MACROD2: variants seen among roughly 807,000 people sequenced by gnomAD.
The protein encoded by MACROD2 is ADP-ribose glycohydrolase MACROD2.
MACROD2 carries 36 observed loss-of-function variants against 70.4 expected under a neutral mutation model. That is an observed-to-expected ratio of 0.51 (90% CI 0.39 to 0.68). The LOEUF is 0.68. Ranked by LOEUF, MACROD2 falls within the 30% of genes least tolerant of loss-of-function variation. The pLI is 0.00. For synonymous variants in MACROD2, 172 were observed against 178.8 expected (o/e 0.96, Z 0.30); for missense variants, 496 against 538.4 (o/e 0.92, Z 0.78).
chr20:14,508,705 T>C (rs2084996529), intron 4 of MACROD2, among the ~76,000 whole-genome samples: 1 of 152,172 alleles, frequency 6.6e-6, no homozygotes, highest in Admixed American at 6.5e-5. Context: ...ATTAAATAAA[T>C]ATATTTATTC....
intron 3 of MACROD2, among the ~76,000 whole-genome samples, chr20:14,338,593 A>G (rs995509887): frequency 6.6e-6 from 1 of 152,122 alleles, no homozygotes; most frequent in Non-Finnish European, 1.5e-5. Context: ...CCCCAATAAA[A>G]TGTTTTTAAA....
chr20:15,265,653 A>T (rs1292264804), intron 6 of MACROD2, among the ~76,000 whole-genome samples: 1 of 152,228 alleles, frequency 6.6e-6, no homozygotes, highest in Non-Finnish European at 1.5e-5. Flanking sequence ...TGCCAACTGC[A>T]CTTGCACTTC....
intron 4 of MACROD2, among the ~76,000 whole-genome samples, chr20:14,530,811 AATT>A (rs2085294179): frequency 2.0e-5 from 3 of 152,196 alleles, no homozygotes. Context: ...AATGGCAATT[AATT>A]ATTAAGTCTA....
rs181147640 is a variant in MACROD2, at chr20:14,042,592, G to T, written c.163+40188G>T. On this transcript the variant is annotated intron_variant, in intron 2 of 17. Coordinates refer to ENST00000684519, the MANE Select transcript of MACROD2 (RefSeq NM_001351661.2). ...CAGCTCACTGCAACCTGCAACCTCC[G>T]CCTCCTGGGTTTAAGCTATTCTGCC... 4.2e-4 allele frequency among the ~76,000 whole-genome samples: 64 copies of T among 152,208 alleles called. No homozygotes were observed. The East Asian group carries it at 0.011, about 26-fold the overall frequency.
chr20:14,909,264 A>T (rs1211762021), intron 5 of MACROD2, among the ~76,000 whole-genome samples: 2 of 152,110 alleles, frequency 1.3e-5, no homozygotes, highest in Non-Finnish European at 2.9e-5. Flanking sequence ...CACTGGCAGA[A>T]GATTACTTTC....
intron 3 of MACROD2, among the ~76,000 whole-genome samples, chr20:14,486,048 C>G (rs944515039): frequency 6.6e-6 from 1 of 152,112 alleles, no homozygotes; most frequent in African/African-American, 2.4e-5. Context: ...CAATCAGGTC[C>G]CAGCGGGAAA....
At chr20:14,334,451 G>A (rs2082900481) in intron 3 of MACROD2, among the ~76,000 whole-genome samples, 1 of 152,152 alleles carries the variant, frequency 6.6e-6, no homozygotes, top group South Asian at 2.1e-4. Flanking sequence ...TTTATGCTCT[G>A]AAGAGAAAAT....
At chr20:15,059,253 C>T (rs993848341) in intron 5 of MACROD2, among the ~76,000 whole-genome samples, 25 of 152,056 alleles carry the variant, frequency 1.6e-4, no homozygotes, top group East Asian at 5.8e-4. Flanking sequence ...GGTGTGGTGG[C>T]GCATGCCTGT....
chr20:14,247,398 T>C (rs140245778), intron 3 of MACROD2, among the ~76,000 whole-genome samples: 2 of 152,218 alleles, frequency 1.3e-5, no homozygotes, highest in South Asian at 2.1e-4. Flanking sequence ...TGTGGACTTT[T>C]GCAGTGTTTA....
intron 2 of MACROD2, among the ~76,000 whole-genome samples, chr20:14,036,636 C>G (rs2053314174): frequency 6.6e-6 from 1 of 152,172 alleles, no homozygotes; most frequent in African/African-American, 2.4e-5. Flanking sequence ...ATATTTAGCA[C>G]AGTCGTGGGT....
chr20:15,588,965 A>G (rs184095248), intron 8 of MACROD2, among the ~76,000 whole-genome samples: 15 of 152,228 alleles, frequency 9.9e-5, no homozygotes, highest in Non-Finnish European at 1.8e-4. Context: ...GCCCCACTCT[A>G]CTAGTTCCAA....
chr20:14,227,968 T>C (rs2081758533), intron 3 of MACROD2, among the ~76,000 whole-genome samples: 1 of 152,164 alleles, frequency 6.6e-6, no homozygotes, highest in South Asian at 2.1e-4. Context: ...GACTTTATTT[T>C]TAAGAGCAAT....
intron 3 of MACROD2, among the ~76,000 whole-genome samples, chr20:14,454,426 T>TTG (rs1555792700): frequency 6.6e-6 from 1 of 151,682 alleles, no homozygotes; most frequent in African/African-American, 2.4e-5. Context: ...GAGTTTTTTT[T>TTG]TTTGTTTGTT....
At chr20:14,776,903 C>T (rs2072241652) in intron 5 of MACROD2, among the ~76,000 whole-genome samples, 1 of 151,918 alleles carries the variant, frequency 6.6e-6, no homozygotes, top group Non-Finnish European at 1.5e-5. Context: ...ATAAATAGAG[C>T]CATATACTCT....
intron 5 of MACROD2, among the ~76,000 whole-genome samples, chr20:14,719,482 AAAAAAGAAAG>A (rs2071438540): frequency 6.6e-6 from 1 of 151,788 alleles, no homozygotes; most frequent in South Asian, 2.1e-4. Context: ...AGAAAAAAAA[AAAAAAGAAAG>A]AAAGAAAGAA....
chr20:15,415,743 C>T (rs1200518891), intron 6 of MACROD2, among the ~76,000 whole-genome samples: 2 of 152,192 alleles, frequency 1.3e-5, no homozygotes, highest in Non-Finnish European at 2.9e-5. Context: ...TTCAGCTATC[C>T]ATTCCTCCTT....
At chr20:15,041,728 G>T (rs997299252) in intron 5 of MACROD2, among the ~76,000 whole-genome samples, 1 of 152,094 alleles carries the variant, frequency 6.6e-6, no homozygotes, top group African/African-American at 2.4e-5. Context: ...ACAGGTGTGA[G>T]CCACCACACC....
At chr20:15,092,489 C>G (rs2044401336) in intron 5 of MACROD2, among the ~76,000 whole-genome samples, 3 of 149,788 alleles carry the variant, frequency 2.0e-5, no homozygotes. Flanking sequence ...GTTATAAATA[C>G]AAGCTGGCCT....
At chr20:15,432,733 C>T (rs2146359890) in intron 7 of MACROD2, among the ~76,000 whole-genome samples, 2 of 151,946 alleles carry the variant, frequency 1.3e-5, no homozygotes, top group Middle Eastern at 3.4e-3. Flanking sequence ...CAAACAAAAA[C>T]CTAATGCCTA....
Sources: allele counts gnomAD v4.1 joint callset (sites outside exome capture counted in the v4.1 genomes callset), GRCh38; gene constraint gnomAD v4.1.1; transcripts MANE v1.5; gene names NCBI Gene and HGNC (gene_info 2026-07-23, HGNC 2026-07-21).